The following TMX4 variants were observed in gnomAD, a reference collection of about 807,000 sequenced individuals.
The protein encoded by TMX4 is thioredoxin-related transmembrane protein 4.
In TMX4, 23 loss-of-function variants were observed where a neutral mutation model predicts 33.3. The ratio of observed to expected loss-of-function variants is 0.69; its 90% CI spans 0.50 to 0.98. The LOEUF is 0.98. TMX4 is among the 50% of genes least tolerant of loss of function. The pLI is 0.00. For synonymous variants in TMX4, 164 were observed against 161.5 expected (o/e 1.02, Z -0.12); for missense variants, 399 against 448.9 (o/e 0.89, Z 1.01).
At chr20:7,983,977 A>C in intron 6 of TMX4, 120 bp from the exon 7 acceptor site, 1 of 664,230 alleles carries the variant, frequency 1.5e-6, no homozygotes, top group Non-Finnish European at 2.6e-6. Context: ...CAGCTAGTCA[A>C]AAGTCTTCAC....
intron 4 of TMX4, among the ~76,000 whole-genome samples, chr20:7,999,278 A>G (rs1213603178): frequency 1.3e-5 from 2 of 152,206 alleles, no homozygotes; most frequent in African/African-American, 4.8e-5. Context: ...GGCCAAAGCT[A>G]TCCCCTGTGG....
intron 1 of TMX4, among the ~76,000 whole-genome samples, chr20:8,015,008 C>CTT (rs79573868): frequency 3.8e-4 from 54 of 142,942 alleles, no homozygotes; most frequent in African/African-American, 1.2e-3. Flanking sequence ...TTCTTTTTTT[C>CTT]TTTTTTTTTT....
chr20:7,978,151 ACATATT>A lies in TMX4; in HGVS notation c.*4094_*4099del, dbSNP rs1469936029. On this transcript the variant is annotated 3_prime_UTR_variant, in exon 8 of 8. Transcript: ENST00000246024. ...GTACATTTGACAGGATGGGTCAACC[ACATATT>A]CATAATACTGACAGAAATAACACTG... The A allele has an allele frequency of 6.6e-6, 1 of 152,348 alleles. No individual in the cohort carries two copies. Among genetic ancestry groups the A allele is most frequent in the African/African-American group, 2.4e-5 (1 of 41,582 alleles). The allele number at this position is 152,348 out of a possible 1,614,324, so 9.4% of individuals were successfully genotyped here. A position where few individuals can be genotyped will look rare whatever the true frequency, so the allele number is the denominator to read the frequency against.
chr20:7,993,781 G>GCACACACACACA (rs138693877), intron 5 of TMX4, among the ~76,000 whole-genome samples: 30 of 149,294 alleles, frequency 2.0e-4, no homozygotes, highest in Admixed American at 4.0e-4. Flanking sequence ...TTAAGGTAAT[G>GCACACACACACA]CACACACACA....
chr20:7,995,541 T>C (rs1379775389), intron 5 of TMX4, among the ~76,000 whole-genome samples: 1 of 152,202 alleles, frequency 6.6e-6, no homozygotes, highest in Non-Finnish European at 1.5e-5. Flanking sequence ...GTCACAACTA[T>C]TCAACTGTAC....
intron 1 of TMX4, among the ~76,000 whole-genome samples, chr20:8,016,029 GT>G (rs2050773656): frequency 6.6e-6 from 1 of 152,114 alleles, no homozygotes; most frequent in Non-Finnish European, 1.5e-5. Context: ...ATACTTCCAT[GT>G]TTCAAAAGAA....
chr20:7,999,569 G>C (rs7509328), intron 4 of TMX4, among the ~76,000 whole-genome samples, 163 bp downstream of exon 4: 2,084 of 152,230 alleles, frequency 0.014, 55 homozygotes, highest in East Asian at 0.065. Context: ...ACATATGTAG[G>C]TCACAAAATC....
At chr20:7,994,135 G>T (rs751759112) in intron 5 of TMX4, among the ~76,000 whole-genome samples, 4 of 151,712 alleles carry the variant, frequency 2.6e-5, no homozygotes, top group African/African-American at 7.3e-5. Context: ...ATTATAAAAT[G>T]TAATTACTTG....
At position 7,985,283 on chromosome 20, in the gene TMX4, T is replaced by A. The variant is rs1456816341; in HGVS notation, c.616-1426A>T. Among the ~76,000 whole-genome samples the A allele has an allele frequency of 3.7e-3, 535 of 145,128 alleles. 6 individuals are homozygous for A. The highest frequency in any genetic ancestry group is 0.012 in the African/African-American group (464 of 40,296). On this transcript the variant is annotated intron_variant, in intron 6 of 7. Coordinates refer to ENST00000246024, the MANE Select transcript of TMX4 (RefSeq NM_021156.4). ...TATATATATATATATATATATTTTT[T>A]TTTTTTTTGAGACAGGGTCTAGCTC... is the stretch of plus-strand genomic sequence containing the variant.
At chr20:8,001,139 C>CA (rs2050705500) in intron 3 of TMX4, among the ~76,000 whole-genome samples, 1 of 152,182 alleles carries the variant, frequency 6.6e-6, no homozygotes, top group Non-Finnish European at 1.5e-5. Flanking sequence ...TCAAAGTTCT[C>CA]AAAAGGTAGC....
At chr20:7,997,613 A>G (rs1434886010) in intron 4 of TMX4, among the ~76,000 whole-genome samples, 1 of 152,158 alleles carries the variant, frequency 6.6e-6, no homozygotes, top group Non-Finnish European at 1.5e-5. Context: ...TTAGCCAACT[A>G]AAATTAGTTT....
In TMX4 at chr20:7,978,432, G is replaced by T. The variant is rs955490279; in HGVS notation, c.*3819C>A. 6.6e-6 allele frequency: 1 copy of T among 152,138 alleles called. No homozygotes were observed. The highest frequency in any genetic ancestry group is 1.5e-5 in the Non-Finnish European group (1 of 68,026). 9.4% of individuals were successfully genotyped at this position (152,138 alleles called of 1,614,324 possible). A position where few individuals can be genotyped will look rare whatever the true frequency, so the allele number is the denominator to read the frequency against. On this transcript the variant is annotated 3_prime_UTR_variant, in exon 8 of 8. Coordinates refer to ENST00000246024, the MANE Select transcript of TMX4 (RefSeq NM_021156.4). ...CATGGTAAGTATTTGCCTTAAAAATGACTTTTATCGTCTACCCCAAAGGTG... is the reference window on the plus strand; with the variant it reads ...CATGGTAAGTATTTGCCTTAAAAATTACTTTTATCGTCTACCCCAAAGGTG...
intron 4 of TMX4, among the ~76,000 whole-genome samples, chr20:7,998,374 C>T (rs569777986): frequency 5.3e-5 from 8 of 152,110 alleles, no homozygotes; most frequent in African/African-American, 1.9e-4. Context: ...TTCTCCTTCA[C>T]CTTGGCCAAG....
At position 7,982,212 on chromosome 20, in the gene TMX4, AT is replaced by A. The variant is rs748041732; in HGVS notation, c.*38del. The A allele has an allele frequency of 2.2e-4, 353 of 1,574,872 alleles. No homozygotes were observed. The highest frequency in any genetic ancestry group is 2.8e-4 in the Non-Finnish European group (329 of 1,158,812). The stretch of plus-strand genomic sequence containing the variant: ...CTGCAGGCCAAAGGGAAGCTGACAT[AT>A]TGTTTTGGTGTGTATTCTTGAAAAC... On this transcript the variant is annotated 3_prime_UTR_variant, in exon 8 of 8. Transcript: ENST00000246024.
At chr20:7,987,651 T>C (rs776218846) in intron 5 of TMX4, among the ~76,000 whole-genome samples, 1 of 152,158 alleles carries the variant, frequency 6.6e-6, no homozygotes, top group Non-Finnish European at 1.5e-5. Flanking sequence ...TAGTCCTTTC[T>C]TCCATCATGA....
At chr20:8,009,285 T>G (rs2122876384) in intron 2 of TMX4, among the ~76,000 whole-genome samples, 1 of 152,276 alleles carries the variant, frequency 6.6e-6, no homozygotes, top group East Asian at 1.9e-4. Context: ...CACTCCACTC[T>G]TTGGGGTAAA....
At position 8,005,162 on chromosome 20, in the gene TMX4, A is replaced by C. The variant is rs1197287281; in HGVS notation, c.293-3621T>G. ...AATGCTTACACTTGGCTGTGGCAGG[A>C]GACTGGCTTACCTCTAATCTAGTGA... On this transcript the variant is annotated intron_variant, in intron 2 of 7. Coordinates refer to ENST00000246024, the MANE Select transcript of TMX4 (RefSeq NM_021156.4). Among the ~76,000 whole-genome samples the C allele has an allele frequency of 2.0e-5, 3 of 152,306 alleles. No individual in the cohort carries two copies. In the East Asian group the frequency reaches 5.8e-4, roughly 29 times the overall value.
chr20:8,012,994 C>A (rs2050758884), intron 1 of TMX4, among the ~76,000 whole-genome samples: 2 of 152,096 alleles, frequency 1.3e-5, no homozygotes, highest in African/African-American at 4.8e-5. Context: ...ATTGTTGCTG[C>A]AGTTTTTAAA....
rs961908337 is a variant in TMX4 at position 8,000,510 on chromosome 20, G to A, written c.339-650C>T. On this transcript the variant is annotated intron_variant, in intron 3 of 7. Transcript: ENST00000246024. ...TTACTGGCATTGTTCATTCACTGCT[G>A]AATACCACTTCTTTCTTCCTTGTGC... Among the ~76,000 whole-genome samples, 46 of 152,224 alleles carry A rather than the reference G, an allele frequency of 3.0e-4. 1 individual carries two copies. The highest frequency in any genetic ancestry group is 7.3e-5 in the Non-Finnish European group (5 of 68,030).
Sources: allele counts gnomAD v4.1 joint callset (sites outside exome capture counted in the v4.1 genomes callset), GRCh38; gene constraint gnomAD v4.1.1; transcripts MANE v1.5; gene names NCBI Gene and HGNC (gene_info 2026-07-23, HGNC 2026-07-21).